The following KRABD5 variants were observed in gnomAD, a reference collection of about 807,000 sequenced individuals.
KRABD5 encodes the protein KRAB domain containing 5.
At chr16:31,716,901 G>A in the KRABD5 span, among the ~76,000 whole-genome samples, 25 of 151,754 alleles carry the variant, frequency 1.6e-4, no homozygotes, top group Non-Finnish European at 5.9e-5. Flanking sequence ...TTACTTTAGA[G>A]AATTTTTGTA....
At chr16:31,734,608 G>C in the KRABD5 span, among the ~76,000 whole-genome samples, 1 of 152,000 alleles carries the variant, frequency 6.6e-6, no homozygotes, top group African/African-American at 2.4e-5. Context: ...TTACTGTACT[G>C]TGTAATAGAA....
At chr16:31,724,475 C>T in the KRABD5 span, among the ~76,000 whole-genome samples, 3 of 151,918 alleles carry the variant, frequency 2.0e-5, no homozygotes, top group East Asian at 1.9e-4. Context: ...ATCATGAGGT[C>T]AGGAGATTGA....
the KRABD5 span, chr16:31,723,355 T>C: frequency 6.2e-7 from 1 of 1,610,518 alleles, no homozygotes; most frequent in Non-Finnish European, 8.5e-7. Context: ...TCCAGCCAGG[T>C]AGGTGGGAGT....
the KRABD5 span, among the ~76,000 whole-genome samples, chr16:31,726,767 A>T: frequency 6.6e-6 from 1 of 152,148 alleles, no homozygotes; most frequent in Non-Finnish European, 1.5e-5. Flanking sequence ...CAAAAAATAT[A>T]TATAAAATAA....
the KRABD5 span, among the ~76,000 whole-genome samples, chr16:31,715,374 C>T: frequency 6.6e-6 from 1 of 152,168 alleles, no homozygotes; most frequent in South Asian, 2.1e-4. Flanking sequence ...CAGTAAGCTG[C>T]TCTTGAAGAA....
At chr16:31,728,466 A>C in the KRABD5 span, among the ~76,000 whole-genome samples, 2 of 151,998 alleles carry the variant, frequency 1.3e-5, no homozygotes, top group Admixed American at 6.5e-5. Context: ...TGGTTGCATC[A>C]CAGAAGTTTT....
the KRABD5 span, chr16:31,758,724 A>G: frequency 6.6e-6 from 1 of 152,072 alleles, no homozygotes; most frequent in South Asian, 2.1e-4. Flanking sequence ...TTTTGAGCCA[A>G]GATCATGCCA....
chr16:31,722,319 G>A, the KRABD5 span, among the ~76,000 whole-genome samples: 1 of 152,076 alleles, frequency 6.6e-6, no homozygotes, highest in Admixed American at 6.5e-5. Context: ...CACCCATCTC[G>A]GCATCCCAAA....
chr16:31,734,914 T>C, the KRABD5 span, among the ~76,000 whole-genome samples: 1 of 151,688 alleles, frequency 6.6e-6, no homozygotes, highest in Non-Finnish European at 1.5e-5. Flanking sequence ...GCCCAGCTAA[T>C]TTTTTTGTAT....
the KRABD5 span, chr16:31,760,598 G>T: frequency 1.4e-4 from 21 of 150,038 alleles, no homozygotes; most frequent in East Asian, 1.4e-3. Flanking sequence ...GACCACTCCT[G>T]CATTTGGAGT....
chr16:31,726,920 A>T, the KRABD5 span, among the ~76,000 whole-genome samples: 1 of 152,120 alleles, frequency 6.6e-6, no homozygotes, highest in East Asian at 1.9e-4. Context: ...TGAACAAGGG[A>T]TATCTTTCCA....
chr16:31,757,159 AT>A, the KRABD5 span: 2 of 152,164 alleles, frequency 1.3e-5, no homozygotes, highest in Non-Finnish European at 2.9e-5. Context: ...GATTTTAAGA[AT>A]GTTTTTGTAA....
the KRABD5 span, among the ~76,000 whole-genome samples, chr16:31,719,227 C>T: frequency 1.3e-5 from 2 of 152,230 alleles, no homozygotes; most frequent in South Asian, 4.1e-4. Flanking sequence ...ATTTGGGACA[C>T]TGTCCTTATT....
At chr16:31,755,226 C>A in the KRABD5 span, 1 of 476,136 alleles carries the variant, frequency 2.1e-6, no homozygotes, top group Non-Finnish European at 4.3e-6. Flanking sequence ...AAATGTAAAT[C>A]ATGTAGCAAA....
chr16:31,735,157 A>T, the KRABD5 span, among the ~76,000 whole-genome samples: 1 of 150,584 alleles, frequency 6.6e-6, no homozygotes, highest in Non-Finnish European at 1.5e-5. Flanking sequence ...GAGTAAGATC[A>T]TGAAGGGTTT....
chr16:31,750,288 T>A, the KRABD5 span, among the ~76,000 whole-genome samples: 1 of 152,178 alleles, frequency 6.6e-6, no homozygotes, highest in East Asian at 1.9e-4. Flanking sequence ...GTTTTTTCTT[T>A]GTGTGTGTGG....
the KRABD5 span, among the ~76,000 whole-genome samples, chr16:31,730,027 G>T: frequency 1.3e-5 from 2 of 151,878 alleles, no homozygotes; most frequent in African/African-American, 4.8e-5. Flanking sequence ...TTGTTTTATA[G>T]TTCTTATACT....
At chr16:31,758,159 A>G in the KRABD5 span, 5 of 152,152 alleles carry the variant, frequency 3.3e-5, no homozygotes, top group Non-Finnish European at 5.9e-5. Context: ...CACAAAGAAA[A>G]AAGTGCTTAA....
the KRABD5 span, chr16:31,755,705 A>G: frequency 7.4e-6 from 3 of 407,028 alleles, no homozygotes; most frequent in African/African-American, 4.2e-5. Flanking sequence ...TATTCATACT[A>G]GAGAATTTCT....
Sources: gnomAD v4.1 joint callset for allele counts (sites outside exome capture counted in the v4.1 genomes callset) on GRCh38, gnomAD v4.1.1 for gene constraint, MANE v1.5 for transcripts, NCBI Gene and HGNC (gene_info 2026-07-23, HGNC 2026-07-21) for gene names.